CPAMD8: variants seen among roughly 807,000 people sequenced by gnomAD.
CPAMD8 encodes the protein C3 and PZP-like alpha-2-macroglobulin domain-containing protein 8.
In CPAMD8, 146 loss-of-function variants were observed where a neutral mutation model predicts 224.7. The ratio of observed to expected loss-of-function variants is 0.65; its 90% CI spans 0.57 to 0.75. The LOEUF (loss-of-function observed/expected upper bound fraction) is 0.75, where lower values mean the gene tolerates loss of function less well. CPAMD8 is among the 30% of genes least tolerant of loss of function. The probability of loss-of-function intolerance (pLI) is 0.00; values close to 1 mark genes in which losing one functional copy is unlikely to be tolerated. For missense variants in CPAMD8, 2,301 were observed against 2,537.5 expected (o/e 0.91, Z 2.00); for synonymous variants, 966 against 1,044.6 (o/e 0.92, Z 1.45).
intron 14 of CPAMD8, among the ~76,000 whole-genome samples, chr19:16,979,069 TTCCA>T (rs1055434663): frequency 4.0e-5 from 6 of 149,294 alleles, no homozygotes; most frequent in South Asian, 2.1e-4. Context: ...CCATCTATTC[TTCCA>T]TCCATCATCC....
chr19:16,965,889 AT>A, intron 18 of CPAMD8, among the ~76,000 whole-genome samples: 1 of 152,338 alleles, frequency 6.6e-6, no homozygotes, highest in South Asian at 2.1e-4. Flanking sequence ...GATAGGAAGA[AT>A]CAATATAGTT....
chr19:16,927,617 C>T (rs768849976), intron 25 of CPAMD8, among the ~76,000 whole-genome samples: 8 of 152,134 alleles, frequency 5.3e-5, no homozygotes, highest in African/African-American at 9.7e-5. Flanking sequence ...CATCCTGCAC[C>T]GCATATCTGG....
At chr19:16,914,079 AC>A (rs1442933361) in intron 29 of CPAMD8, among the ~76,000 whole-genome samples, 1 of 152,042 alleles carries the variant, frequency 6.6e-6, no homozygotes, top group Non-Finnish European at 1.5e-5. Flanking sequence ...CCTGAAGCCA[AC>A]CCTTGGGTCA....
chr19:16,899,926 T>TA lies in CPAMD8; in HGVS notation c.4774-378dup, dbSNP rs1192193475. 6.6e-6 allele frequency among the ~76,000 whole-genome samples: 1 copy of TA among 151,170 alleles called. No individual in the cohort carries two copies. The highest frequency in any genetic ancestry group is 2.4e-5 in the African/African-American group (1 of 41,066). On this transcript the variant is annotated intron_variant, in intron 36 of 41. Transcript: ENST00000443236. This position sits in a 1 kb window ranked among gnomAD's most constrained non-coding sequence, Gnocchi z 5.4. ...TTTTTTTTTTTTTCAGTTTTTGATTTAAAAAAATCCACACCCACTCCAAGG... is the reference window on the plus strand; with the variant it reads ...TTTTTTTTTTTTTCAGTTTTTGATTTAAAAAAAATCCACACCCACTCCAAGG...
At position 16,977,455 on chromosome 19, in the gene CPAMD8, A is replaced by T. The variant is rs2055321908; in HGVS notation, c.1671T>A (p.Gly557=). 2 of 1,610,798 alleles carry T rather than the reference A, an allele frequency of 1.2e-6. No homozygotes were observed. Among genetic ancestry groups the T allele is most frequent in the South Asian group, 2.2e-5 (2 of 90,932 alleles). Residue 557 remains glycine, a synonymous_variant, in exon 15 of 42, where the codon GGT becomes GGA. Coordinates refer to ENST00000443236, the MANE Select transcript of CPAMD8 (RefSeq NM_015692.5). ...CCCTGACGTAGAAGACCAGCAGGCGACCAAGGGGGACCATGCTGGGGGTCA... is the reference window on the plus strand; with the variant it reads ...CCCTGACGTAGAAGACCAGCAGGCGTCCAAGGGGGACCATGCTGGGGGTCA... The part of the protein sequence containing the change: ...LAVTPSMVPL[G]RLLVFYVREN...
chr19:16,975,372 C>T (rs562885865), intron 16 of CPAMD8, 114 bp from the exon 17 acceptor site: 2 of 806,226 alleles, frequency 2.5e-6, no homozygotes, highest in Admixed American at 4.7e-5. Context: ...TCATGACAAC[C>T]TCCAGGAGAT....
chr19:16,927,234 C>T lies in CPAMD8; in HGVS notation c.3370+775G>A, dbSNP rs368781465. On this transcript the variant is annotated intron_variant, in intron 25 of 41. Transcript: ENST00000443236. The stretch of plus-strand genomic sequence containing the variant: ...GTGGGAGATAACTGAATTATGGGGG[C>T]GGCTTCCCCATACTGTTCTCGCAGT... Among the ~76,000 whole-genome samples, 145 of 152,048 alleles carry T rather than the reference C, an allele frequency of 9.5e-4. 3 individuals are homozygous for T. The South Asian group carries it at 0.028, about 30-fold the overall frequency.
chr19:16,921,796 G>C (rs1320854119), intron 27 of CPAMD8, 109 bp downstream of exon 27: 1 of 699,566 alleles, frequency 1.4e-6, no homozygotes, highest in Non-Finnish European at 2.4e-6. Flanking sequence ...TGTGTTCCCT[G>C]TCATCCGGGG....
chr19:16,937,092 C>CTCT (rs2053717729), intron 23 of CPAMD8, among the ~76,000 whole-genome samples: 1 of 149,430 alleles, frequency 6.7e-6, no homozygotes, highest in Non-Finnish European at 1.5e-5. Context: ...TTCCTTCCTC[C>CTCT]TTCCTTCCTT....
intron 34 of CPAMD8, 50 bp downstream of exon 34, chr19:16,903,511 G>A: frequency 6.2e-7 from 1 of 1,611,742 alleles, no homozygotes; most frequent in African/African-American, 1.3e-5. Flanking sequence ...GGAGGGAATG[G>A]GGCACAGGAG....
rs2052789559 is a variant in CPAMD8, at chr19:16,913,065, C to T, written c.3861+1359G>A. Among the ~76,000 whole-genome samples, 3 of 152,222 alleles carry T rather than the reference C, an allele frequency of 2.0e-5. No homozygotes were observed. The South Asian group carries it at 6.2e-4, about 31-fold the overall frequency. ...GTCTCAAAAAATGTGCCTCCCAAAA[C>T]CCTTTCTCAGTAAAGGAGGGTAGCA... On this transcript the variant is annotated intron_variant, in intron 29 of 41. Transcript: ENST00000443236.
intron 13 of CPAMD8, among the ~76,000 whole-genome samples, chr19:16,983,074 G>A (rs2055573476): frequency 6.6e-6 from 1 of 152,076 alleles, no homozygotes; most frequent in African/African-American, 2.4e-5. Context: ...TGATTGTAAG[G>A]CCTCCCCAGC....
Position 16,893,028 on chromosome 19 carries a change from C to A in CPAMD8, c.*80G>T. ...TACCAGAGTTTTCTGAGATGTTAAC[C>A]ACAGGCACAAGCTGGGTGTGTGGGT... On this transcript the variant is annotated 3_prime_UTR_variant, in exon 42 of 42. Transcript: ENST00000443236. 1.3e-6 allele frequency: 1 copy of A among 781,648 alleles called. No homozygotes were observed. Among genetic ancestry groups the A allele is most frequent in the South Asian group, 1.4e-5 (1 of 73,794 alleles). The allele number at this position is 781,648 out of a possible 1,614,324, so 48.4% of individuals were successfully genotyped here.
rs538426380 is a variant in CPAMD8 at position 17,021,358 on chromosome 19, C to T, written c.244+672G>A. Among the ~76,000 whole-genome samples the T allele has an allele frequency of 6.6e-5, 10 of 152,280 alleles. No homozygotes were observed. The East Asian group carries it at 1.7e-3, about 26-fold the overall frequency. On this transcript the variant is annotated intron_variant, in intron 2 of 41. Coordinates refer to ENST00000443236, the MANE Select transcript of CPAMD8 (RefSeq NM_015692.5). ...GGACTAGAAGGGCTTCTAGAAGGTT[C>T]TAGAAGCTTCCACATTTCCACCTTC...
At chr19:16,960,211 CAAA>C (rs113199607) in intron 18 of CPAMD8, among the ~76,000 whole-genome samples, 1 of 135,230 alleles carries the variant, frequency 7.4e-6, no homozygotes. Flanking sequence ...TCTCCTTTCT[CAAA>C]AAAAAAAAAA....
In CPAMD8 at chr19:16,893,165, G is replaced by A; in HGVS notation, c.5601C>T (p.Ala1867=). 1 of 1,591,320 alleles carries A rather than the reference G, an allele frequency of 6.3e-7. No individual in the cohort carries two copies. Among genetic ancestry groups the A allele is most frequent in the Non-Finnish European group, 8.6e-7 (1 of 1,161,282 alleles). Residue 1867 remains alanine, a synonymous_variant, in exon 42 of 42, where the codon GCC becomes GCT. Coordinates refer to ENST00000443236, the MANE Select transcript of CPAMD8 (RefSeq NM_015692.5). ...LLSPVFVYSP[A]FQSGGEEGLW... is the part of the protein sequence containing the mutation. ...AACCCTCCTCCCCACCACTCTGAAA[G>A]GCTGGGCTGTAGACGAAGACAGGGC...
In CPAMD8 at chr19:17,008,547, A is replaced by C. The variant is rs1476754963; in HGVS notation, c.517T>G (p.Ser173Ala). 8 of 1,613,790 alleles carry C rather than the reference A, an allele frequency of 5.0e-6. No individual in the cohort carries two copies. In the East Asian group the frequency reaches 1.6e-4, roughly 31 times the overall value. The change falls in exon 7 of 42, where the codon TCT (serine) becomes GCT (alanine). Residue 173 changes from serine to alanine, a missense_variant. Physicochemically the swap from Ser to Ala is moderately conservative, Grantham distance 99 (BLOSUM62 1). Coordinates refer to ENST00000443236, the MANE Select transcript of CPAMD8 (RefSeq NM_015692.5). Reference sequence around the variant, plus strand: ...AAGTGTCTCCACTCTATCATCCGAGAGCCTCGGGGGTCCTGTTGGTGGTGG... The same window carrying C: ...AAGTGTCTCCACTCTATCATCCGAGCGCCTCGGGGGTCCTGTTGGTGGTGG... ...LEAYILDPRG[S>A]RMIEWRHLKP...
intron 35 of CPAMD8, among the ~76,000 whole-genome samples, 154 bp downstream of exon 35, chr19:16,902,495 C>T (rs992097234): frequency 6.6e-6 from 1 of 152,058 alleles, no homozygotes; most frequent in African/African-American, 2.4e-5. Context: ...CCAGCCTGGG[C>T]GACAGGGTGA....
At chr19:16,979,289 T>C (rs950260413) in intron 14 of CPAMD8, among the ~76,000 whole-genome samples, 7 of 150,794 alleles carry the variant, frequency 4.6e-5, no homozygotes, top group African/African-American at 9.8e-5. Context: ...CATCCATCCT[T>C]CTGTACCTCC....
Sources: gnomAD v4.1 joint callset for allele counts (sites outside exome capture counted in the v4.1 genomes callset) on GRCh38, gnomAD v4.1.1 for gene constraint, Gnocchi (gnomAD v3.1) non-coding constraint, MANE v1.5 for transcripts, NCBI Gene and HGNC (gene_info 2026-07-23, HGNC 2026-07-21) for gene names.